NEK11: variants seen among roughly 807,000 people sequenced by gnomAD.
NEK11 encodes the protein NIMA related kinase 11, also known as serine/threonine-protein kinase Nek11.
A neutral mutation model predicts 80.7 loss-of-function variants in NEK11; 72 were observed. The ratio of observed to expected loss-of-function variants is 0.89; its 90% CI spans 0.74 to 1.08. NEK11 has a LOEUF of 1.08. Among genes scored for constraint, NEK11 ranks in the 50% least tolerant of loss-of-function variants. The pLI, the probability that NEK11 is intolerant of heterozygous loss-of-function variation, is 0.00. For synonymous variants in NEK11, 251 were observed against 260.7 expected, an observed-to-expected ratio of 0.96 and a Z score of 0.36; for missense variants, 764 against 763.6, an observed-to-expected ratio of 1.00 and a Z score of -0.01.
At chr3:131,186,416 C>A (rs1054839865) in intron 14 of NEK11, among the ~76,000 whole-genome samples, 1 of 152,052 alleles carries the variant, frequency 6.6e-6, no homozygotes, top group Non-Finnish European at 1.5e-5. Context: ...GAATTAGAGC[C>A]AAGGCCCTAC....
In NEK11 at chr3:131,085,913, C is replaced by T. The variant is rs184269651; in HGVS notation, c.336+5325C>T. On this transcript the variant is annotated intron_variant, in intron 4 of 17. Coordinates refer to ENST00000383366, the MANE Select transcript of NEK11 (RefSeq NM_024800.5). Reference sequence around the variant, plus strand: ...TCTCCTCTAATCTGTGACAATTTCCCTTTCCTGCCTTGTTTTTTATGAATT... The same window carrying T: ...TCTCCTCTAATCTGTGACAATTTCCTTTTCCTGCCTTGTTTTTTATGAATT... Among the ~76,000 whole-genome samples, 33 of 152,186 alleles carry T rather than the reference C, an allele frequency of 2.2e-4. 1 individual carries two copies. Among genetic ancestry groups the T allele is most frequent in the Middle Eastern group, 3.4e-3 (1 of 294 alleles).
At chr3:131,181,798 A>C (rs2093373213) in intron 14 of NEK11, among the ~76,000 whole-genome samples, 1 of 151,268 alleles carries the variant, frequency 6.6e-6, no homozygotes, top group South Asian at 2.1e-4. Context: ...GTTAAATCAC[A>C]AAATTTGTGG....
At chr3:131,316,280 A>G (rs2109567847) in intron 17 of NEK11, among the ~76,000 whole-genome samples, 1 of 152,360 alleles carries the variant, frequency 6.6e-6, no homozygotes, top group East Asian at 1.9e-4. Flanking sequence ...AGAAAAATCT[A>G]AAGTGAATAC....
At chr3:131,217,999 A>T (rs868210933) in intron 14 of NEK11, among the ~76,000 whole-genome samples, 4 of 152,222 alleles carry the variant, frequency 2.6e-5, no homozygotes, top group Non-Finnish European at 5.9e-5. Flanking sequence ...CAAAGGACTC[A>T]CTTTAGCAGT....
At chr3:131,190,034 G>A (rs2093734695) in intron 14 of NEK11, among the ~76,000 whole-genome samples, 1 of 152,088 alleles carries the variant, frequency 6.6e-6, no homozygotes, top group South Asian at 2.1e-4. Flanking sequence ...ATAGCCTTGT[G>A]ATTGTATTTA....
At chr3:131,245,398 G>T (rs753100877) in intron 16 of NEK11, among the ~76,000 whole-genome samples, 24 of 151,898 alleles carry the variant, frequency 1.6e-4, no homozygotes, top group Non-Finnish European at 2.5e-4. Context: ...GAATAGTGCT[G>T]CAATAAACAT....
intron 5 of NEK11, among the ~76,000 whole-genome samples, chr3:131,110,588 A>G (rs985663312): frequency 2.0e-5 from 3 of 152,190 alleles, no homozygotes; most frequent in Non-Finnish European, 2.9e-5. Flanking sequence ...GACCCATAAA[A>G]TGATATGAAC....
At chr3:131,036,650 G>A (rs1702629650) in intron 3 of NEK11, among the ~76,000 whole-genome samples, 1 of 152,208 alleles carries the variant, frequency 6.6e-6, no homozygotes, top group South Asian at 2.1e-4. Flanking sequence ...GAATTATTAA[G>A]AAGTAGCCAG....
chr3:131,319,363 T>TA (rs1339546667), intron 17 of NEK11, among the ~76,000 whole-genome samples: 1 of 152,160 alleles, frequency 6.6e-6, no homozygotes, highest in Non-Finnish European at 1.5e-5. Context: ...ATTCCTACTT[T>TA]ACTACTCAAA....
intron 3 of NEK11, among the ~76,000 whole-genome samples, chr3:131,078,625 A>G (rs916308942): frequency 5.3e-5 from 8 of 152,224 alleles, no homozygotes; most frequent in African/African-American, 1.9e-4. Flanking sequence ...CTTCCATTGT[A>G]AAACAGAGGG....
chr3:131,334,532 A>G (rs1349802267), intron 17 of NEK11, among the ~76,000 whole-genome samples: 1 of 151,194 alleles, frequency 6.6e-6, no homozygotes, highest in Non-Finnish European at 1.5e-5. Flanking sequence ...TCCAAAATTG[A>G]CACCCTAACA....
intron 4 of NEK11, among the ~76,000 whole-genome samples, chr3:131,096,728 A>T (rs4605512): frequency 0.24 from 36,066 of 151,118 alleles, 4,882 homozygotes; most frequent in African/African-American, 0.38. Flanking sequence ...AATTTAATTT[A>T]ATTTTATTTT....
chr3:131,073,798 T>C (rs570681405), intron 3 of NEK11, among the ~76,000 whole-genome samples: 70 of 152,288 alleles, frequency 4.6e-4, no homozygotes, highest in African/African-American at 1.7e-3. Flanking sequence ...ACTTAACATT[T>C]TCTTATGCAT....
chr3:131,073,703 C>G (rs185971156), intron 3 of NEK11, among the ~76,000 whole-genome samples: 1 of 152,082 alleles, frequency 6.6e-6, no homozygotes, highest in Admixed American at 6.6e-5. Context: ...ATAGGGAAAC[C>G]GGGCCAGAAT....
At chr3:131,312,451 A>ACAT (rs2096791554) in intron 17 of NEK11, among the ~76,000 whole-genome samples, 1 of 152,162 alleles carries the variant, frequency 6.6e-6, no homozygotes, top group Non-Finnish European at 1.5e-5. Flanking sequence ...CTAAGCTTCA[A>ACAT]CATATGTACA....
chr3:131,146,674 CT>C lies in NEK11; in HGVS notation c.648-5705del, dbSNP rs569998027. On this transcript the variant is annotated intron_variant, in intron 7 of 17. Transcript: ENST00000383366. ...AGCCCCTCTTGTTTTCCTAAGGAAA[CT>C]TTTTTTTTCATAGTATAACAAGTAC... Among the ~76,000 whole-genome samples, 1,343 of 151,528 alleles carry C rather than the reference CT, an allele frequency of 8.9e-3. 10 individuals carry two copies. The highest frequency in any genetic ancestry group is 0.019 in the African/African-American group (775 of 41,322).
At chr3:131,097,149 G>C (rs1260820261) in intron 4 of NEK11, among the ~76,000 whole-genome samples, 2 of 151,678 alleles carry the variant, frequency 1.3e-5, no homozygotes, top group African/African-American at 4.9e-5. Context: ...GGACATTTGG[G>C]TTGGTTCCAA....
intron 17 of NEK11, among the ~76,000 whole-genome samples, chr3:131,281,815 T>C (rs1395651988): frequency 2.6e-5 from 4 of 152,226 alleles, no homozygotes; most frequent in Non-Finnish European, 5.9e-5. Context: ...CATCCATCTA[T>C]TGTATATCTA....
intron 4 of NEK11, among the ~76,000 whole-genome samples, chr3:131,090,921 C>A (rs2076648380): frequency 6.6e-6 from 1 of 152,114 alleles, no homozygotes; most frequent in Admixed American, 6.5e-5. Context: ...TGACACCAGG[C>A]TGGGCTAATT....
Sources: allele counts gnomAD v4.1 joint callset (sites outside exome capture counted in the v4.1 genomes callset), GRCh38; gene constraint gnomAD v4.1.1; transcripts MANE v1.5; gene names NCBI Gene and HGNC (gene_info 2026-07-23, HGNC 2026-07-21).